The following ARHGAP29 variants were observed in gnomAD, a reference collection of about 807,000 sequenced individuals.
ARHGAP29 encodes the protein rho GTPase-activating protein 29.
Under a neutral mutation model 122.6 loss-of-function variants are expected in ARHGAP29, and 43 were observed. The ratio of observed to expected loss-of-function variants is 0.35; its 90% CI spans 0.27 to 0.45. The LOEUF (loss-of-function observed/expected upper bound fraction) is 0.45, where lower values mean the gene tolerates loss of function less well. Among genes scored for constraint, ARHGAP29 ranks in the 20% least tolerant of loss-of-function variants. The pLI is 1.00. For missense variants in ARHGAP29, 1,303 were observed against 1,477.2 expected, an observed-to-expected ratio of 0.88 and a Z score of 1.93; for synonymous variants, 506 against 497.1, an observed-to-expected ratio of 1.02 and a Z score of -0.24.
intron 1 of ARHGAP29, among the ~76,000 whole-genome samples, chr1:94,274,040 G>T (rs895476311): frequency 6.6e-5 from 10 of 152,158 alleles, no homozygotes; most frequent in East Asian, 3.8e-4. Flanking sequence ...GTAAGACAGG[G>T]TGTCATTATT....
At chr1:94,273,132 G>C (rs955822118) in intron 1 of ARHGAP29, among the ~76,000 whole-genome samples, 1 of 152,148 alleles carries the variant, frequency 6.6e-6, no homozygotes, top group Non-Finnish European at 1.5e-5. Flanking sequence ...TTGAAAGTGG[G>C]GGTTGCCTAC....
upstream of ARHGAP29, among the ~76,000 whole-genome samples, chr1:94,276,372 G>A (rs1448798421): frequency 2.6e-5 from 4 of 152,030 alleles, no homozygotes; most frequent in Non-Finnish European, 5.9e-5. Flanking sequence ...ATGGTCTGAT[G>A]GGGCACTCTC....
the ARHGAP29 span, among the ~76,000 whole-genome samples, chr1:94,308,144 A>G: frequency 2.1e-4 from 32 of 152,144 alleles, no homozygotes; most frequent in Non-Finnish European, 4.3e-4. Context: ...TCCTGGGGAG[A>G]AATAGACTTT....
At chr1:94,191,031 A>T (rs1398417863) in intron 12 of ARHGAP29, 1 of 152,130 alleles carries the variant, frequency 6.6e-6, no homozygotes, top group Non-Finnish European at 1.5e-5. Context: ...TGAAAGGAGG[A>T]GGTAGTGCAA....
intron 6 of ARHGAP29, 32 bp downstream of exon 6, chr1:94,205,603 T>C (rs1209263985): frequency 5.0e-6 from 8 of 1,591,330 alleles, no homozygotes; most frequent in South Asian, 2.3e-5. Context: ...TACAAGAAGT[T>C]TGTGAAAAGT....
the ARHGAP29 span, among the ~76,000 whole-genome samples, chr1:94,310,961 C>G: frequency 1.3e-5 from 2 of 152,170 alleles, no homozygotes; most frequent in Non-Finnish European, 2.9e-5. Context: ...TCCCACTTGC[C>G]CTTCTCTACT....
chr1:94,264,069 G>A (rs148522340), intron 1 of ARHGAP29, among the ~76,000 whole-genome samples: 1 of 152,104 alleles, frequency 6.6e-6, no homozygotes, highest in East Asian at 1.9e-4. Context: ...TCAAAGGCTG[G>A]GTATATTTTT....
In ARHGAP29 at chr1:94,169,524, A is replaced by C. The variant is rs182442235; in HGVS notation, c.*4345T>G. On this transcript the variant is annotated 3_prime_UTR_variant, in exon 23 of 23. Transcript: ENST00000260526. Reference sequence around the variant, plus strand: ...TTACAAAGATGGAAAGGGAGACTAGATTAACCTCAAAGGATTGAATTGAAG... The same window carrying C: ...TTACAAAGATGGAAAGGGAGACTAGCTTAACCTCAAAGGATTGAATTGAAG... 1.1e-4 allele frequency among the ~76,000 whole-genome samples: 16 copies of C among 152,328 alleles called. No homozygotes were observed. Among genetic ancestry groups the C allele is most frequent in the African/African-American group, 3.8e-4 (16 of 41,564 alleles).
At chr1:94,200,370 A>C (rs1391286369) in intron 12 of ARHGAP29, among the ~76,000 whole-genome samples, 7 of 152,242 alleles carry the variant, frequency 4.6e-5, no homozygotes, top group Non-Finnish European at 1.0e-4. Context: ...ACCTATTGGA[A>C]CAGCTAACAT....
chr1:94,203,927 T>C lies in ARHGAP29; in HGVS notation c.762+3A>G. ...GAACCCCCGAAGTTCACAGAACACT[T>C]ACCTGAATTCCAATGTTAGTTCTAG... On this transcript the variant is annotated splice_donor_region_variant and intron_variant, in intron 8 of 22. Coordinates refer to ENST00000260526, the MANE Select transcript of ARHGAP29 (RefSeq NM_004815.4). 1.2e-6 allele frequency: 2 copies of C among 1,613,590 alleles called. No homozygotes were observed. Among genetic ancestry groups the C allele is most frequent in the Non-Finnish European group, 1.7e-6 (2 of 1,179,630 alleles).
chr1:94,209,481 C>G (rs1040276782), intron 3 of ARHGAP29, 131 bp from the exon 4 acceptor site: 6 of 522,742 alleles, frequency 1.1e-5, no homozygotes, highest in East Asian at 3.5e-5. Flanking sequence ...AAAAGCCTAA[C>G]ATACAAAATT....
At chr1:94,182,879 T>C (rs983695163) in intron 19 of ARHGAP29, among the ~76,000 whole-genome samples, 2 of 151,924 alleles carry the variant, frequency 1.3e-5, no homozygotes, top group Non-Finnish European at 2.9e-5. Context: ...CATTTCCTCA[T>C]AAAAGAGGAG....
At chr1:94,213,249 G>A (rs1362880637) in intron 3 of ARHGAP29, among the ~76,000 whole-genome samples, 6 of 152,024 alleles carry the variant, frequency 3.9e-5, no homozygotes, top group Non-Finnish European at 7.4e-5. Flanking sequence ...GCGTGATCTC[G>A]GCTCACTGCA....
chr1:94,296,410 A>T, the ARHGAP29 span, among the ~76,000 whole-genome samples: 1 of 152,196 alleles, frequency 6.6e-6, no homozygotes, highest in Non-Finnish European at 1.5e-5. Flanking sequence ...CTATTTTATT[A>T]TTAGTTATTG....
chr1:94,288,292 G>GT, the ARHGAP29 span, among the ~76,000 whole-genome samples: 3 of 152,194 alleles, frequency 2.0e-5, no homozygotes, highest in East Asian at 3.9e-4. Flanking sequence ...GCATAAATGT[G>GT]TTTTTTTGAG....
chr1:94,311,969 A>G, the ARHGAP29 span, among the ~76,000 whole-genome samples: 2,026 of 152,272 alleles, frequency 0.013, 52 homozygotes, highest in African/African-American at 0.047. Flanking sequence ...CCTCTTCTGC[A>G]TCAGTTTCTC....
chr1:94,310,711 G>A, the ARHGAP29 span, among the ~76,000 whole-genome samples: 2 of 151,968 alleles, frequency 1.3e-5, no homozygotes, highest in African/African-American at 4.8e-5. Flanking sequence ...GGCCAACATG[G>A]TAATCAATGT....
intron 6 of ARHGAP29, 69 bp downstream of exon 6, chr1:94,205,566 T>C: frequency 2.1e-6 from 3 of 1,395,962 alleles, no homozygotes; most frequent in Non-Finnish European, 3.0e-6. Context: ...AAGAAGAGAT[T>C]AATCCAGGAC....
At chr1:94,181,146 A>G (rs1649432816) in intron 19 of ARHGAP29, among the ~76,000 whole-genome samples, 1 of 152,202 alleles carries the variant, frequency 6.6e-6, no homozygotes, top group Admixed American at 6.5e-5. Flanking sequence ...GCAAATGAAC[A>G]AGTACTGACT....
Sources: allele counts gnomAD v4.1 joint callset (sites outside exome capture counted in the v4.1 genomes callset), GRCh38; gene constraint gnomAD v4.1.1; transcripts MANE v1.5; gene names NCBI Gene and HGNC (gene_info 2026-07-23, HGNC 2026-07-21).